SIM2: variants seen among roughly 807,000 people sequenced by gnomAD.
The protein encoded by SIM2 is single-minded homolog 2.
Under a neutral mutation model 64.8 loss-of-function variants are expected in SIM2, and 28 were observed. The observed-to-expected ratio is 0.43, with a 90% CI of 0.32 to 0.59. The LOEUF is 0.59. Ranked by LOEUF, SIM2 falls within the 20% of genes least tolerant of loss-of-function variation. The pLI is 0.07. For synonymous variants in SIM2, 408 were observed against 391.1 expected (o/e 1.04, Z -0.51); for missense variants, 847 against 871.4 (o/e 0.97, Z 0.35).
At chr21:36,735,211 A>G (rs1343394773) in intron 7 of SIM2, among the ~76,000 whole-genome samples, 2 of 152,110 alleles carry the variant, frequency 1.3e-5, no homozygotes, top group Non-Finnish European at 2.9e-5. Context: ...TACCCCCAAC[A>G]TGGTCAGGGT....
At chr21:36,714,922 C>T (rs2088725838) in intron 3 of SIM2, among the ~76,000 whole-genome samples, 1 of 152,176 alleles carries the variant, frequency 6.6e-6, no homozygotes, top group Non-Finnish European at 1.5e-5. Flanking sequence ...GATCATAATG[C>T]AGCAGGAAAA....
At chr21:36,731,664 C>T (rs1057425357) in intron 7 of SIM2, among the ~76,000 whole-genome samples, 2 of 152,132 alleles carry the variant, frequency 1.3e-5, no homozygotes, top group African/African-American at 4.8e-5. Flanking sequence ...GCTGAACCCA[C>T]GCAGAGCCCT....
Position 36,699,572 on chromosome 21 carries a change from C to A in SIM2, c.-175C>A. The A allele has an allele frequency of 1.9e-6, 1 of 536,028 alleles. No homozygotes were observed. The highest frequency in any genetic ancestry group is 4.6e-5 in the Admixed American group (1 of 21,856). The allele number at this position is 536,028 out of a possible 1,614,324, so 33.2% of individuals were successfully genotyped here. A position where few individuals can be genotyped will look rare whatever the true frequency, so the allele number is the denominator to read the frequency against. ...CGGGTTGCTCGGAGCTCAGGCCCGGCGGCTGCGGGGAGGCGTCTCGGAACC... is the reference window on the plus strand; with the variant it reads ...CGGGTTGCTCGGAGCTCAGGCCCGGAGGCTGCGGGGAGGCGTCTCGGAACC... On this transcript the variant is annotated 5_prime_UTR_variant, in exon 1 of 11. Transcript: ENST00000290399. The surrounding 1 kb of genome is among the most constrained non-coding windows in gnomAD (Gnocchi z 5.6).
rs2088899666 is a variant in SIM2, at chr21:36,726,878, G to A, written c.743+560G>A. ...GTCTACATCTGGGCTGGGAGGAGGG[G>A]ATTGGATGAGGTCATTTCTCCTGGC... On this transcript the variant is annotated intron_variant, in intron 6 of 10. Transcript: ENST00000290399. This position sits in a 1 kb window ranked among gnomAD's most constrained non-coding sequence, Gnocchi z 4.5. Among the ~76,000 whole-genome samples, 1 of 152,146 alleles carries A rather than the reference G, an allele frequency of 6.6e-6. No homozygotes were observed. Among genetic ancestry groups the A allele is most frequent in the Non-Finnish European group, 1.5e-5 (1 of 68,032 alleles).
At chr21:36,737,584 A>G (rs1403841029) in intron 7 of SIM2, among the ~76,000 whole-genome samples, 1 of 152,238 alleles carries the variant, frequency 6.6e-6, no homozygotes, top group East Asian at 1.9e-4. Flanking sequence ...TGATGTCCAC[A>G]TGGCTATTCT....
chr21:36,712,490 T>G, intron 2 of SIM2, 43 bp from the exon 3 acceptor site: 1 of 1,318,692 alleles, frequency 7.6e-7, no homozygotes. Context: ...TTAACTCTAA[T>G]GTAGAATGAT....
At chr21:36,714,681 A>G (rs2088720999) in intron 3 of SIM2, among the ~76,000 whole-genome samples, 1 of 152,208 alleles carries the variant, frequency 6.6e-6, no homozygotes, top group Admixed American at 6.6e-5. Flanking sequence ...GCCCATCAGG[A>G]GGTACTGTGC....
At chr21:36,709,387 C>G in intron 2 of SIM2, 137 bp downstream of exon 2, 1 of 761,372 alleles carries the variant, frequency 1.3e-6, no homozygotes, top group Non-Finnish European at 2.3e-6. Context: ...ATGGGGTGGT[C>G]CCCACTGCGG....
intron 2 of SIM2, among the ~76,000 whole-genome samples, chr21:36,711,117 C>T (rs2088669912): frequency 6.6e-6 from 1 of 152,200 alleles, no homozygotes; most frequent in Non-Finnish European, 1.5e-5. Context: ...TCATACCCAA[C>T]ATTTTCCATT....
intron 7 of SIM2, among the ~76,000 whole-genome samples, chr21:36,737,247 A>G (rs2070697903): frequency 6.6e-6 from 1 of 152,240 alleles, no homozygotes; most frequent in Admixed American, 6.5e-5. Flanking sequence ...TTCTGTAAAG[A>G]AAAGTGAACA....
At chr21:36,707,612 G>A (rs911938325) in intron 1 of SIM2, among the ~76,000 whole-genome samples, 2 of 151,284 alleles carry the variant, frequency 1.3e-5, no homozygotes, top group Non-Finnish European at 2.9e-5. Context: ...TTTTTTTTAG[G>A]TTTTTAGTTG....
chr21:36,723,909 C>T (rs6517378), intron 5 of SIM2, among the ~76,000 whole-genome samples: 38,868 of 152,132 alleles, frequency 0.26, 5,581 homozygotes, highest in East Asian at 0.37. Context: ...ACTTTTGTCC[C>T]CTCTCTGGGC....
At position 36,745,619 on chromosome 21, in the gene SIM2, C is replaced by A; in HGVS notation, c.1576+483C>A. ...ATTTGTGGGCTTGGGGACAGAAATG[C>A]CACTCACCAACCCAGGGCAAAGAAC... is the stretch of plus-strand genomic sequence containing the variant. On this transcript the variant is annotated intron_variant, in intron 10 of 10. Transcript: ENST00000290399. This position sits in a 1 kb window ranked among gnomAD's most constrained non-coding sequence, Gnocchi z 4.8. 8.9e-7 allele frequency: 1 copy of A among 1,120,812 alleles called. No homozygotes were observed. Among genetic ancestry groups the A allele is most frequent in the Non-Finnish European group, 1.1e-6 (1 of 901,886 alleles). The allele number at this position is 1,120,812 out of a possible 1,614,324, so 69.4% of individuals were successfully genotyped here.
At chr21:36,738,093 G>T (rs1464695134) in intron 7 of SIM2, among the ~76,000 whole-genome samples, 1 of 151,970 alleles carries the variant, frequency 6.6e-6, no homozygotes, top group Non-Finnish European at 1.5e-5. Context: ...TCCGTGGATG[G>T]ATCCTCAGTC....
intron 1 of SIM2, among the ~76,000 whole-genome samples, chr21:36,704,586 G>C (rs1250478414): frequency 1.3e-5 from 2 of 152,204 alleles, no homozygotes; most frequent in Non-Finnish European, 2.9e-5. Context: ...CTAGAGGAGG[G>C]GACCTGGATC....
chr21:36,701,586 G>T (rs1416000431), intron 1 of SIM2: 1 of 152,414 alleles, frequency 6.6e-6, no homozygotes, highest in African/African-American at 2.4e-5. Flanking sequence ...CCTCTCGGGC[G>T]CAGCGGTCCT....
intron 5 of SIM2, among the ~76,000 whole-genome samples, chr21:36,724,977 T>C (rs1238761863): frequency 2.0e-5 from 3 of 152,202 alleles, no homozygotes; most frequent in African/African-American, 7.2e-5. Flanking sequence ...CCACTCTGGC[T>C]TATTATTATG....
rs73902718 is a variant in SIM2, at chr21:36,736,475, G to A, written c.851-5242G>A. Among the ~76,000 whole-genome samples the A allele has an allele frequency of 8.6e-3, 1,303 of 152,312 alleles. 13 individuals are homozygous for A. The highest frequency in any genetic ancestry group is 0.03 in the African/African-American group (1,234 of 41,562). On this transcript the variant is annotated intron_variant, in intron 7 of 10. Coordinates refer to ENST00000290399, the MANE Select transcript of SIM2 (RefSeq NM_005069.6). ...TTCACTGGGAGCAAGAGTCCACAGG[G>A]GCTGAAGAAATCGCAGCCCCTAAAG...
chr21:36,713,218 G>A (rs115999554), intron 3 of SIM2, among the ~76,000 whole-genome samples: 3,133 of 152,230 alleles, frequency 0.021, 109 homozygotes, highest in African/African-American at 0.071. Flanking sequence ...GAACAGCAAG[G>A]TTTCTTTAGA....
Sources: gnomAD v4.1 joint callset for allele counts (sites outside exome capture counted in the v4.1 genomes callset) on GRCh38, gnomAD v4.1.1 for gene constraint, Gnocchi (gnomAD v3.1) non-coding constraint, MANE v1.5 for transcripts, NCBI Gene and HGNC (gene_info 2026-07-23, HGNC 2026-07-21) for gene names.